The following COL4A4 variants were observed in gnomAD, a reference collection of about 807,000 sequenced individuals.
COL4A4 encodes collagen alpha-4(IV) chain.
In COL4A4, 105 loss-of-function variants were observed where a neutral mutation model predicts 192.9. The observed-to-expected ratio is 0.54, with a 90% confidence interval of 0.46 to 0.64. The LOEUF is 0.64. Ranked by LOEUF, COL4A4 falls within the 30% of genes least tolerant of loss-of-function variation. The pLI is 0.00. For synonymous variants in COL4A4, 762 were observed against 769.9 expected, an observed-to-expected ratio of 0.99 and a Z score of 0.17; for missense variants, 1,967 against 2,169.3, an observed-to-expected ratio of 0.91 and a Z score of 1.85.
At chr2:227,105,067 AATAT>A (rs1293089821) in intron 12 of COL4A4, among the ~76,000 whole-genome samples, 6 of 151,874 alleles carry the variant, frequency 4.0e-5, no homozygotes, top group Non-Finnish European at 5.9e-5. Flanking sequence ...TACTATAATA[AATAT>A]ATAAACATGA....
the COL4A4 span, among the ~76,000 whole-genome samples, chr2:226,985,391 T>G: frequency 6.6e-6 from 1 of 152,240 alleles, no homozygotes; most frequent in African/African-American, 2.4e-5. Context: ...TAATATTCAA[T>G]GCAGCAGCCT....
intron 25 of COL4A4, among the ~76,000 whole-genome samples, chr2:227,070,369 G>T (rs1306725331): frequency 6.6e-6 from 1 of 152,238 alleles, no homozygotes; most frequent in East Asian, 1.9e-4. Context: ...CCATTACTGG[G>T]TATATACCCA....
chr2:227,100,127 C>A (rs2060424643), intron 17 of COL4A4, among the ~76,000 whole-genome samples: 1 of 152,146 alleles, frequency 6.6e-6, no homozygotes, highest in South Asian at 2.1e-4. Flanking sequence ...GCCACCATGG[C>A]TTTAAGGGAA....
At chr2:227,042,560 AAAAC>A (rs146714657) in intron 36 of COL4A4, among the ~76,000 whole-genome samples, 10 of 152,166 alleles carry the variant, frequency 6.6e-5, no homozygotes, top group Middle Eastern at 6.8e-3. Context: ...AAAGGAGGGG[AAAAC>A]AAACAAACAA....
rs1976364730 is a variant in COL4A4 at position 227,059,580 on chromosome 2, C to G, written c.2208G>C (p.Lys736Asn). 6.2e-7 allele frequency: 1 copy of G among 1,614,152 alleles called. No homozygotes were observed. ...DMGDPGFGGE[K>N]GSSPVGPPGP... ...CTGGGGGCCCAACAGGGGAGGACCC[C>G]TTTTCACCTCCAAAACCCGGATCTC... Residue 736 changes from lysine (K) to asparagine (N), a missense_variant, in exon 28 of 48, where the codon AAG becomes AAC. Transcript: ENST00000396625.
chr2:227,063,977 G>C (rs1454811491), intron 25 of COL4A4, among the ~76,000 whole-genome samples: 2 of 152,044 alleles, frequency 1.3e-5, no homozygotes, highest in African/African-American at 4.8e-5. Flanking sequence ...GTGTTGTAAT[G>C]CTTTTATTTG....
chr2:227,080,022 C>A (rs1458229923), intron 24 of COL4A4, among the ~76,000 whole-genome samples: 1 of 152,152 alleles, frequency 6.6e-6, no homozygotes, highest in East Asian at 1.9e-4. Flanking sequence ...CGAGTTCACC[C>A]TTTCATGCTC....
Position 227,008,239 on chromosome 2 carries a change from C to G in COL4A4, c.4588G>C (p.Val1530Leu). 2 of 1,614,238 alleles carry G rather than the reference C, an allele frequency of 1.2e-6. No homozygotes were observed. Reference sequence around the variant, plus strand: ...TCGTTTCTCTGGGCATAGTGGCACACCTGGTGGATGTTGCAGTAGGCAAAG... The same window carrying G: ...TCGTTTCTCTGGGCATAGTGGCACAGCTGGTGGATGTTGCAGTAGGCAAAG... ...LPFAYCNIHQ[V>L]CHYAQRNDRS... is the part of the protein sequence containing the mutation. Residue 1530 changes from valine (V) to leucine (L), a missense_variant, in exon 47 of 48, where the codon GTG becomes CTG. Physicochemically the swap from Val to Leu is conservative, Grantham distance 32. Transcript: ENST00000396625.
Position 227,059,988 on chromosome 2 carries a change from G to T in COL4A4, c.2164+148C>A, listed in dbSNP as rs1976482781. On this transcript the variant is annotated intron_variant, in intron 27 of 47. Transcript: ENST00000396625. ...GAAAGTTATCACAATATAGCTAAGG[G>T]TCTATCAAGAAACACCATTTCCCTA... is the stretch of plus-strand genomic sequence containing the variant. 3 of 645,262 alleles carry T rather than the reference G, an allele frequency of 4.6e-6. No homozygotes were observed. The South Asian group carries it at 5.8e-5, about 13-fold the overall frequency. The allele number at this position is 645,262 out of a possible 1,614,324, so 40.0% of individuals were successfully genotyped here.
intron 43 of COL4A4, chr2:227,022,481 A>G: frequency 1.7e-6 from 1 of 593,380 alleles, no homozygotes; most frequent in South Asian, 1.4e-5. Flanking sequence ...CAGCAACGTG[A>G]TGACCCTCAC....
chr2:227,054,871 C>A, intron 30 of COL4A4, 134 bp from the exon 31 acceptor site: 1 of 951,662 alleles, frequency 1.1e-6, no homozygotes, highest in Admixed American at 2.1e-5. Flanking sequence ...CTCATTGCAA[C>A]CTCTGCCTCC....
At position 227,147,528 on chromosome 2, in the gene COL4A4, C is replaced by A; in HGVS notation, c.-45G>T. 1 of 1,564,682 alleles carries A rather than the reference C, an allele frequency of 6.4e-7. No homozygotes were observed. Among genetic ancestry groups the A allele is most frequent in the South Asian group, 1.1e-5 (1 of 90,190 alleles). On this transcript the variant is annotated 5_prime_UTR_variant, in exon 2 of 48. Coordinates refer to ENST00000396625, the MANE Select transcript of COL4A4 (RefSeq NM_000092.5). ...TTAAAAAATATTCTGCCAGTCTTCT[C>A]TTCCAGAAGGTTCTTGTTGACAAGT...
chr2:226,983,545 C>T, the COL4A4 span, among the ~76,000 whole-genome samples: 23 of 152,296 alleles, frequency 1.5e-4, no homozygotes, highest in African/African-American at 5.5e-4. Flanking sequence ...AACTTGACCA[C>T]TCGGGGATGG....
At chr2:227,147,732 G>A (rs577531783) in intron 1 of COL4A4, 148 bp from the exon 2 acceptor site, 41 of 381,678 alleles carry the variant, frequency 1.1e-4, no homozygotes, top group Non-Finnish European at 1.8e-4. Context: ...ATAAATATCA[G>A]TTTTTATCTT....
chr2:227,106,167 G>T, intron 12 of COL4A4, among the ~76,000 whole-genome samples: 1 of 150,722 alleles, frequency 6.6e-6, no homozygotes, highest in African/African-American at 2.4e-5. Flanking sequence ...ACACAGTGTT[G>T]GTGTAGCACC....
Position 227,003,548 on chromosome 2 carries a change from A to G in COL4A4, c.*3777T>C, listed in dbSNP as rs1961462344. 1 of 152,212 alleles carries G rather than the reference A, an allele frequency of 6.6e-6. No homozygotes were observed. Among genetic ancestry groups the G allele is most frequent in the African/African-American group, 2.4e-5 (1 of 41,454 alleles). 9.4% of individuals were successfully genotyped at this position (152,212 alleles called of 1,614,324 possible). The stretch of plus-strand genomic sequence containing the variant: ...TTCCAGTGAGCTGATAGAAACACAG[A>G]TCTAATATAATTTCCTGGAACACAC... On this transcript the variant is annotated 3_prime_UTR_variant, in exon 48 of 48. Transcript: ENST00000396625.
rs960395686 is a variant in COL4A4, at chr2:227,098,803, C to G, written c.1100-5G>C. 20 of 1,609,390 alleles carry G rather than the reference C, an allele frequency of 1.2e-5. No individual in the cohort carries two copies. Among genetic ancestry groups the G allele is most frequent in the Non-Finnish European group, 1.6e-5 (19 of 1,175,860 alleles). ...ACCCTGGGTCCCCTGGTGGGCCTGC[C>G]AAAGATAATGGTACATGAGAATAAA... On this transcript the variant is annotated splice_region_variant and splice_polypyrimidine_tract_variant and intron_variant, in intron 18 of 47. Coordinates refer to ENST00000396625, the MANE Select transcript of COL4A4 (RefSeq NM_000092.5).
At chr2:227,109,443 G>A (rs1214214015) in intron 9 of COL4A4, 157 bp from the exon 10 acceptor site, 1 of 735,784 alleles carries the variant, frequency 1.4e-6, no homozygotes, top group Non-Finnish European at 2.5e-6. Flanking sequence ...CAGCTTTGAT[G>A]CAGCCCTAAA....
At chr2:227,113,230 G>GT (rs547142068) in intron 8 of COL4A4, among the ~76,000 whole-genome samples, 28 of 152,030 alleles carry the variant, frequency 1.8e-4, no homozygotes, top group Admixed American at 1.0e-3. Context: ...TGCTAGATTT[G>GT]TTTTTTTTAT....
Sources: allele counts gnomAD v4.1 joint callset (sites outside exome capture counted in the v4.1 genomes callset), GRCh38; gene constraint gnomAD v4.1.1; transcripts MANE v1.5; gene names NCBI Gene and HGNC (gene_info 2026-07-23, HGNC 2026-07-21).